THRA: variants seen among roughly 807,000 people sequenced by gnomAD.
THRA encodes thyroid hormone receptor alpha, also known as EAR-7.
A neutral mutation model predicts 45.0 loss-of-function variants in THRA; 13 were observed. The observed-to-expected ratio is 0.29, with a 90% confidence interval of 0.19 to 0.46. The LOEUF (loss-of-function observed/expected upper bound fraction) is 0.46, where lower values mean the gene tolerates loss of function less well. THRA is among the 20% of genes least tolerant of loss of function. The pLI is 1.00. For synonymous variants in THRA, 195 were observed against 214.0 expected (o/e 0.91, Z 0.78); for missense variants, 278 against 556.1 (o/e 0.50, Z 5.03).
chr17:40,089,548 C>T lies in THRA; in HGVS notation c.*92C>T. The T allele has an allele frequency of 6.6e-7, 1 of 1,508,926 alleles. No homozygotes were observed. The highest frequency in any genetic ancestry group is 8.8e-7 in the Non-Finnish European group (1 of 1,132,104). 93.5% of individuals were successfully genotyped at this position (1,508,926 alleles called of 1,614,324 possible). ...GGGGCTGAGGGAGACCCCCCCACAC[C>T]CCTTCTCTCCTTCCTCTCGTCCTTG... is the stretch of plus-strand genomic sequence containing the variant. On this transcript the variant is annotated 3_prime_UTR_variant, in exon 9 of 9. Transcript: ENST00000450525. The surrounding 1 kb of genome is among the most constrained non-coding windows in gnomAD (Gnocchi z 6.1).
chr17:40,064,227 G>A (rs1986470504), intron 1 of THRA, among the ~76,000 whole-genome samples: 1 of 152,200 alleles, frequency 6.6e-6, no homozygotes, highest in African/African-American at 2.4e-5. Flanking sequence ...CATGGGGACC[G>A]ATCCATGCAC....
Position 40,089,149 on chromosome 17 carries a change from C to G in THRA, c.983-57C>G, listed in dbSNP as rs1233910392. 6.4e-6 allele frequency: 10 copies of G among 1,559,514 alleles called. No individual in the cohort carries two copies. The highest frequency in any genetic ancestry group is 8.8e-6 in the Non-Finnish European group (10 of 1,138,702). On this transcript the variant is annotated intron_variant, in intron 8 of 8. Coordinates refer to ENST00000450525, the MANE Select transcript of THRA (RefSeq NM_199334.5). This position sits in a 1 kb window ranked among gnomAD's most constrained non-coding sequence, Gnocchi z 6.1. The stretch of plus-strand genomic sequence containing the variant: ...TTCCCACGTCCCCACACCTCACCCT[C>G]CCCATCTCCAGGCCTTCGGCCAGCC...
chr17:40,069,539 C>G (rs1416832023), intron 1 of THRA, among the ~76,000 whole-genome samples: 2 of 151,998 alleles, frequency 1.3e-5, no homozygotes, highest in East Asian at 1.9e-4. Flanking sequence ...CCGTGACATT[C>G]ATGCCTCCAG....
At chr17:40,076,640 T>C (rs1018034033) in intron 2 of THRA, among the ~76,000 whole-genome samples, 2 of 152,140 alleles carry the variant, frequency 1.3e-5, no homozygotes, top group African/African-American at 4.8e-5. Context: ...GTGTGTGTGT[T>C]GGGGCTCTAG....
chr17:40,083,988 G>C lies in THRA; in HGVS notation c.370+6G>C. On this transcript the variant is annotated splice_donor_region_variant and intron_variant, in intron 5 of 8. Coordinates refer to ENST00000450525, the MANE Select transcript of THRA (RefSeq NM_199334.5). ...CGTGGGCATGGCCATGGACTGTAAG[G>C]GGCCCAGGTGGAGGGAATAGAGCCA... 5 of 1,607,184 alleles carry C rather than the reference G, an allele frequency of 3.1e-6. No individual in the cohort carries two copies. Among genetic ancestry groups the C allele is most frequent in the East Asian group, 2.2e-5 (1 of 44,668 alleles).
At chr17:40,078,968 G>T (rs1987046928) in intron 4 of THRA, among the ~76,000 whole-genome samples, 2 of 152,068 alleles carry the variant, frequency 1.3e-5, no homozygotes, top group Non-Finnish European at 2.9e-5. Context: ...TTGACCTCGT[G>T]ATCCGCCCGC....
intron 1 of THRA, among the ~76,000 whole-genome samples, chr17:40,063,378 C>A (rs979279344): frequency 2.6e-5 from 4 of 152,172 alleles, no homozygotes; most frequent in Non-Finnish European, 5.9e-5. Context: ...CGGCCTCTGT[C>A]CGGCCAGTCT....
At chr17:40,088,589 G>A in intron 8 of THRA, 89 bp downstream of exon 8, 1 of 1,495,578 alleles carries the variant, frequency 6.7e-7, no homozygotes, top group East Asian at 2.3e-5. Flanking sequence ...ACTCCCTCCT[G>A]AATCTTCTTC....
At chr17:40,086,486 C>T (rs557521155) in intron 6 of THRA, among the ~76,000 whole-genome samples, 1 of 152,304 alleles carries the variant, frequency 6.6e-6, no homozygotes, top group South Asian at 2.1e-4. Context: ...GTCATTATAG[C>T]TGCTACTACT....
Position 40,090,104 on chromosome 17 carries a change from C to A in THRA, c.*648C>A. ...ATATTAAGTTATTAACTGAGGCTGA[C>A]CAGAGGGGAGGACCCCCCCTTTACC... On this transcript the variant is annotated 3_prime_UTR_variant, in exon 9 of 9. Coordinates refer to ENST00000450525, the MANE Select transcript of THRA (RefSeq NM_199334.5). 1 of 911,662 alleles carries A rather than the reference C, an allele frequency of 1.1e-6. No homozygotes were observed. The highest frequency in any genetic ancestry group is 1.3e-6 in the Non-Finnish European group (1 of 762,614). The allele number at this position is 911,662 out of a possible 1,614,324, so 56.5% of individuals were successfully genotyped here.
chr17:40,070,362 C>T (rs916501117), intron 1 of THRA, among the ~76,000 whole-genome samples: 2 of 152,182 alleles, frequency 1.3e-5, no homozygotes, highest in Non-Finnish European at 2.9e-5. Context: ...GGCAGCCCTG[C>T]TCAATCCATA....
intron 2 of THRA, 129 bp from the exon 3 acceptor site, chr17:40,076,742 G>T (rs376786886): frequency 3.3e-6 from 3 of 903,782 alleles, no homozygotes; most frequent in East Asian, 2.6e-5. Context: ...CTGACCCTGG[G>T]GGGTGGGAGG....
At position 40,089,209 on chromosome 17, in the gene THRA, G is replaced by A; in HGVS notation, c.986G>A (p.Arg329His). 2 of 1,613,036 alleles carry A rather than the reference G, an allele frequency of 1.2e-6. No homozygotes were observed. The highest frequency in any genetic ancestry group is 1.7e-6 in the Non-Finnish European group (2 of 1,179,826). Residue 329 changes from arginine to histidine, a missense_variant, in exon 9 of 9, where the codon CGC (arginine) becomes CAC (histidine). Arg to His is a conservative substitution (Grantham distance 29, BLOSUM62 0). Coordinates refer to ENST00000450525, the MANE Select transcript of THRA (RefSeq NM_199334.5). The surrounding 1 kb of genome is among the most constrained non-coding windows in gnomAD (Gnocchi z 6.1). ...TCACGCCCCTCTTCCCTCACAGACCGCTCGGGCCTGCTGTGTGTGGACAAG... is the reference window on the plus strand; with the variant it reads ...TCACGCCCCTCTTCCCTCACAGACCACTCGGGCCTGCTGTGTGTGGACAAG... ...LQAVLLMSTDRSGLLCVDKIE... is the reference protein window; with the variant it reads ...LQAVLLMSTDHSGLLCVDKIE...
intron 5 of THRA, 138 bp downstream of exon 5, chr17:40,084,120 T>C: frequency 9.2e-7 from 1 of 1,086,216 alleles, no homozygotes; most frequent in Non-Finnish European, 1.3e-6. Flanking sequence ...ATGTTCAGTG[T>C]CTTGGTCCTT....
In THRA at chr17:40,063,245, C is replaced by T. The variant is rs181963734; in HGVS notation, c.-298+153C>T. Among the ~76,000 whole-genome samples, 522 of 152,300 alleles carry T rather than the reference C, an allele frequency of 3.4e-3. 5 individuals are homozygous for T. Among genetic ancestry groups the T allele is most frequent in the African/African-American group, 0.012 (490 of 41,574 alleles). On this transcript the variant is annotated intron_variant, in intron 1 of 8. Transcript: ENST00000450525. ...CAGCCTTTCCTGGCGCCCCAGTGAC[C>T]CTGTCACGAGCCCGGGAGCTTGCAA...
Position 40,089,106 on chromosome 17 carries a change from C to A in THRA, c.983-100C>A. On this transcript the variant is annotated intron_variant, in intron 8 of 8. Transcript: ENST00000450525. This position sits in a 1 kb window ranked among gnomAD's most constrained non-coding sequence, Gnocchi z 6.1. ...CCTCCCCCAGCCTCTCTGCCTCTAT[C>A]TCCCCTCTAGTCCTTTCTTCCCACG... The A allele has an allele frequency of 8.6e-7, 1 of 1,158,198 alleles. No individual in the cohort carries two copies. The highest frequency in any genetic ancestry group is 1.2e-6 in the Non-Finnish European group (1 of 813,250). 71.7% of individuals were successfully genotyped at this position (1,158,198 alleles called of 1,614,324 possible).
At chr17:40,088,626 A>T (rs1192709672) in intron 8 of THRA, 126 bp downstream of exon 8, 1 of 1,167,816 alleles carries the variant, frequency 8.6e-7, no homozygotes, top group East Asian at 2.4e-5. Flanking sequence ...CACCTGGGCC[A>T]TCCCCTATCC....
At chr17:40,075,482 C>T (rs1380271908) in intron 2 of THRA, among the ~76,000 whole-genome samples, 1 of 152,228 alleles carries the variant, frequency 6.6e-6, no homozygotes, top group African/African-American at 2.4e-5. Flanking sequence ...GCTCCCCTCC[C>T]CCAAAGCCTC....
chr17:40,092,748 A>G lies in THRA; in HGVS notation c.*3292A>G. 9.1e-6 allele frequency: 2 copies of G among 219,634 alleles called. No homozygotes were observed. Among genetic ancestry groups the G allele is most frequent in the Non-Finnish European group, 8.8e-6 (1 of 113,346 alleles). The allele number at this position is 219,634 out of a possible 1,614,324, so 13.6% of individuals were successfully genotyped here. On this transcript the variant is annotated 3_prime_UTR_variant, in exon 9 of 9. Coordinates refer to ENST00000450525, the MANE Select transcript of THRA (RefSeq NM_199334.5). ...GGTGGCCCCCCCCAGCCTTGGCAGT[A>G]TTTCCACCCCACCCCCCAAACGAGC...
Sources: allele counts gnomAD v4.1 joint callset (sites outside exome capture counted in the v4.1 genomes callset), GRCh38; gene constraint gnomAD v4.1.1; non-coding constraint Gnocchi (gnomAD v3.1); transcripts MANE v1.5; gene names NCBI Gene and HGNC (gene_info 2026-07-23, HGNC 2026-07-21).